The following FNDC3A variants were observed in gnomAD, a reference collection of about 807,000 sequenced individuals.
FNDC3A encodes fibronectin type III domain containing 3A, also known as fibronectin type-III domain-containing protein 3A.
FNDC3A carries 32 observed loss-of-function variants against 148.9 expected under a neutral mutation model. The ratio of observed to expected loss-of-function variants is 0.21; its 90% CI spans 0.16 to 0.29. The LOEUF is 0.29. Among genes scored for constraint, FNDC3A ranks in the 10% least tolerant of loss-of-function variants. The pLI is 1.00. For missense variants in FNDC3A, 1,191 were observed against 1,452.8 expected (o/e 0.82, Z 2.93); for synonymous variants, 472 against 473.6 (o/e 1.00, Z 0.04).
At chr13:49,055,652 A>C (rs1052295863) in intron 2 of FNDC3A, among the ~76,000 whole-genome samples, 1 of 152,274 alleles carries the variant, frequency 6.6e-6, no homozygotes, top group African/African-American at 2.4e-5. Context: ...ACCAATTGCC[A>C]ATCAGAATAT....
At chr13:49,031,335 T>A (rs1364780123) in intron 2 of FNDC3A, among the ~76,000 whole-genome samples, 1 of 150,332 alleles carries the variant, frequency 6.7e-6, no homozygotes, top group Non-Finnish European at 1.5e-5. Context: ...TGAGCCGAGA[T>A]CTCACCACTG....
intron 2 of FNDC3A, among the ~76,000 whole-genome samples, chr13:49,043,541 G>T (rs1426985193): frequency 6.6e-6 from 1 of 151,970 alleles, no homozygotes; most frequent in Non-Finnish European, 1.5e-5. Context: ...TTGTCTCCTT[G>T]TTCTGTTAAT....
intron 2 of FNDC3A, among the ~76,000 whole-genome samples, chr13:49,073,885 T>TA (rs528228887): frequency 3.7e-4 from 55 of 148,236 alleles, no homozygotes; most frequent in South Asian, 2.3e-3. Context: ...TATTCCTTAA[T>TA]AAAAAAAAAT....
intron 1 of FNDC3A, among the ~76,000 whole-genome samples, chr13:48,983,444 C>A (rs1170773436): frequency 1.3e-5 from 2 of 152,102 alleles, no homozygotes; most frequent in Non-Finnish European, 2.9e-5. Context: ...GCATTGTGGA[C>A]CATATGGGCT....
intron 2 of FNDC3A, among the ~76,000 whole-genome samples, chr13:49,064,649 T>C (rs1368940106): frequency 6.6e-6 from 1 of 152,050 alleles, no homozygotes; most frequent in Non-Finnish European, 1.5e-5. Flanking sequence ...GCAGACACAG[T>C]CAGTCATTAT....
intron 2 of FNDC3A, among the ~76,000 whole-genome samples, chr13:49,033,850 G>T: frequency 6.6e-6 from 1 of 151,992 alleles, no homozygotes; most frequent in South Asian, 2.1e-4. Context: ...ACCAGTTTTA[G>T]AGTAAACTTA....
chr13:49,012,805 A>ATGTGTGTGTG (rs61137549), intron 2 of FNDC3A, among the ~76,000 whole-genome samples: 25,522 of 134,322 alleles, frequency 0.19, 2,861 homozygotes, highest in African/African-American at 0.3. Context: ...GCAATTATAA[A>ATGTGTGTGTG]TGTGTGTGTG....
intron 3 of FNDC3A, among the ~76,000 whole-genome samples, chr13:49,095,750 G>C (rs1469515788): frequency 1.3e-5 from 2 of 152,024 alleles, no homozygotes. Context: ...TACTAATTAA[G>C]CATTCTAACC....
At chr13:49,067,356 T>C (rs1455319269) in intron 2 of FNDC3A, among the ~76,000 whole-genome samples, 4 of 152,220 alleles carry the variant, frequency 2.6e-5, no homozygotes, top group Admixed American at 2.0e-4. Context: ...TGTTTATCCT[T>C]CTCTCTGTGC....
chr13:49,049,358 T>A (rs2137707936), intron 2 of FNDC3A, among the ~76,000 whole-genome samples: 1 of 152,302 alleles, frequency 6.6e-6, no homozygotes, highest in African/African-American at 2.4e-5. Context: ...TTTCTCTTTC[T>A]TTTGGAATCA....
intron 2 of FNDC3A, among the ~76,000 whole-genome samples, chr13:49,020,455 C>T (rs983454617): frequency 6.6e-6 from 1 of 152,214 alleles, no homozygotes; most frequent in African/African-American, 2.4e-5. Flanking sequence ...TTTGTGGTAA[C>T]AAACAGCTTC....
chr13:49,021,746 T>C (rs1406433330), intron 2 of FNDC3A, among the ~76,000 whole-genome samples: 3 of 152,222 alleles, frequency 2.0e-5, no homozygotes, highest in African/African-American at 7.2e-5. Flanking sequence ...ACTGCTGTTA[T>C]GGAGCAATGG....
intron 24 of FNDC3A, among the ~76,000 whole-genome samples, chr13:49,202,398 T>TTTTACACACACATGTACACATA (rs1212669788): frequency 6.6e-6 from 1 of 152,184 alleles, no homozygotes; most frequent in African/African-American, 2.4e-5. Flanking sequence ...TTTCAATTAG[T>TTTTACACACACATGTACACATA]TTTACACACA....
chr13:49,171,446 T>G (rs1213433676), intron 10 of FNDC3A, among the ~76,000 whole-genome samples: 2 of 152,094 alleles, frequency 1.3e-5, no homozygotes, highest in Admixed American at 1.3e-4. Context: ...AGAAGGAAAA[T>G]TCAGATGGAA....
At chr13:48,981,285 A>G (rs1951689447) in intron 1 of FNDC3A, among the ~76,000 whole-genome samples, 2 of 152,068 alleles carry the variant, frequency 1.3e-5, no homozygotes, top group South Asian at 4.1e-4. Flanking sequence ...TAACTTCACC[A>G]CTTATTACCT....
chr13:49,006,422 A>G, intron 2 of FNDC3A, 133 bp downstream of exon 2: 2 of 503,170 alleles, frequency 4.0e-6, no homozygotes, highest in Non-Finnish European at 7.1e-6. Context: ...GTTCAGTTTT[A>G]TAAGATGATA....
chr13:49,094,555 AC>A (rs544099733), intron 3 of FNDC3A, among the ~76,000 whole-genome samples: 261 of 152,210 alleles, frequency 1.7e-3, no homozygotes, highest in African/African-American at 6.1e-3. Context: ...ATAATTCTTA[AC>A]CTAATATTTG....
intron 23 of FNDC3A, among the ~76,000 whole-genome samples, chr13:49,199,578 G>A (rs564441653): frequency 2.6e-4 from 40 of 151,854 alleles, no homozygotes; most frequent in African/African-American, 4.6e-4. Context: ...CACCTGCCTC[G>A]ACCTCCCAAA....
intron 2 of FNDC3A, among the ~76,000 whole-genome samples, chr13:49,007,982 G>T (rs1271688123): frequency 6.6e-6 from 1 of 152,114 alleles, no homozygotes; most frequent in African/African-American, 2.4e-5. Flanking sequence ...CCGAAGACAA[G>T]TTATTTAACT....
Sources: allele counts gnomAD v4.1 joint callset (sites outside exome capture counted in the v4.1 genomes callset), GRCh38; gene constraint gnomAD v4.1.1; transcripts MANE v1.5; gene names NCBI Gene and HGNC (gene_info 2026-07-23, HGNC 2026-07-21).